AP2A2: variants seen among roughly 807,000 people sequenced by gnomAD.
AP2A2 encodes adaptor related protein complex 2 subunit alpha 2, also known as AP-2 complex subunit alpha-2.
AP2A2 carries 32 observed loss-of-function variants against 104.2 expected under a neutral mutation model. That is an observed-to-expected ratio of 0.31 (90% CI 0.23 to 0.41). The LOEUF (loss-of-function observed/expected upper bound fraction) is 0.41. Among genes scored for constraint, AP2A2 ranks in the 10% least tolerant of loss-of-function variants. AP2A2 has a pLI of 1.00. For missense variants in AP2A2, 912 were observed against 1,261.0 expected, an observed-to-expected ratio of 0.72 and a Z score of 4.19; for synonymous variants, 539 against 533.3, an observed-to-expected ratio of 1.01 and a Z score of -0.15.
At chr11:927,046 C>T (rs576365610) in intron 1 of AP2A2, among the ~76,000 whole-genome samples, 1 of 152,272 alleles carries the variant, frequency 6.6e-6, no homozygotes, top group East Asian at 1.9e-4. Flanking sequence ...TGTTATCCAG[C>T]AAATAGTTGA....
chr11:993,443 G>C lies in AP2A2; in HGVS notation c.1550+62G>C, dbSNP rs574552221. ...CCGGCGGGCCTCTCGGTGGTCGGTG[G>C]CAAGAGGCGAGGCACCAGCTGGCCC... On this transcript the variant is annotated intron_variant, in intron 12 of 21. Transcript: ENST00000448903. The surrounding 1 kb of genome is among the most constrained non-coding windows in gnomAD (Gnocchi z 8.2). The C allele has an allele frequency of 0.019, 23,467 of 1,264,936 alleles. 251 individuals are homozygous for C. Among genetic ancestry groups the C allele is most frequent in the Non-Finnish European group, 0.022 (20,906 of 958,308 alleles). The allele number at this position is 1,264,936 out of a possible 1,614,324, so 78.4% of individuals were successfully genotyped here.
intron 1 of AP2A2, among the ~76,000 whole-genome samples, chr11:941,332 C>G: frequency 6.6e-6 from 1 of 152,150 alleles, no homozygotes. Flanking sequence ...CTCTATTGTC[C>G]TTGATGACTG....
intron 1 of AP2A2, among the ~76,000 whole-genome samples, chr11:930,546 A>C (rs1853256699): frequency 6.6e-6 from 1 of 150,570 alleles, no homozygotes; most frequent in African/African-American, 2.4e-5. Flanking sequence ...TTTGAGACGG[A>C]GTTGCGCTCT....
chr11:988,381 G>A (rs1564811630), intron 9 of AP2A2, among the ~76,000 whole-genome samples, 171 bp from the exon 10 acceptor site: 2 of 152,228 alleles, frequency 1.3e-5, no homozygotes, highest in African/African-American at 2.4e-5. Context: ...ACTCTATTCC[G>A]GGCTGTCCAG....
chr11:965,445 T>G (rs1445466573), intron 2 of AP2A2, among the ~76,000 whole-genome samples: 1 of 152,230 alleles, frequency 6.6e-6, no homozygotes, highest in East Asian at 1.9e-4. Context: ...CCCAAATGGC[T>G]TCCCTGTGAT....
intron 16 of AP2A2, among the ~76,000 whole-genome samples, chr11:1,005,520 CAT>C (rs1491350108): frequency 6.6e-6 from 1 of 152,156 alleles, no homozygotes; most frequent in Non-Finnish European, 1.5e-5. Context: ...AGGAGAAAGA[CAT>C]AAAAAAGCCT....
intron 9 of AP2A2, 140 bp downstream of exon 9, chr11:987,093 C>A: frequency 9.4e-7 from 1 of 1,066,772 alleles, no homozygotes; most frequent in African/African-American, 1.6e-5. Context: ...CCGCCTGTCA[C>A]CTACTCTTGG....
chr11:1,010,886 C>G lies in AP2A2; in HGVS notation c.*261C>G. Reference sequence around the variant, plus strand: ...AATTTTTATAAAAATCGAGACAGTTCTGTGGTTAAATCTACAAATTAAAGG... The same window carrying G: ...AATTTTTATAAAAATCGAGACAGTTGTGTGGTTAAATCTACAAATTAAAGG... On this transcript the variant is annotated 3_prime_UTR_variant, in exon 22 of 22. Transcript: ENST00000448903. 1 of 647,040 alleles carries G rather than the reference C, an allele frequency of 1.5e-6. No homozygotes were observed. Among genetic ancestry groups the G allele is most frequent in the Non-Finnish European group, 2.8e-6 (1 of 360,200 alleles). 40.1% of individuals were successfully genotyped at this position (647,040 alleles called of 1,614,324 possible). A position where few individuals can be genotyped will look rare whatever the true frequency, so the allele number is the denominator to read the frequency against.
chr11:999,917 C>T (rs1427395501), intron 14 of AP2A2, among the ~76,000 whole-genome samples: 1 of 151,650 alleles, frequency 6.6e-6, no homozygotes, highest in African/African-American at 2.4e-5. Context: ...CATTCTCCTG[C>T]CTCAGCCTCC....
chr11:926,267 GCCAGGGTGCGGGGTGGGGGT>G (rs1481358369), intron 1 of AP2A2, among the ~76,000 whole-genome samples, 179 bp downstream of exon 1: 2 of 122,624 alleles, frequency 1.6e-5, no homozygotes, highest in African/African-American at 6.0e-5. Flanking sequence ...GGGGGTGGGG[GCCAGGGTGCGGGGTGGGGGT>G]CCAGGGTCTG....
chr11:956,944 G>C (rs1329377735), intron 1 of AP2A2: 1 of 152,192 alleles, frequency 6.6e-6, no homozygotes, highest in South Asian at 2.1e-4. Flanking sequence ...GCACCAGCGG[G>C]GTGTCCTCCA....
chr11:988,968 C>G (rs976963919), intron 10 of AP2A2: 2 of 471,578 alleles, frequency 4.2e-6, no homozygotes, highest in African/African-American at 3.9e-5. Context: ...GCACTCTAGC[C>G]TGGGCAACAC....
At chr11:979,624 C>T (rs779476388) in intron 5 of AP2A2, among the ~76,000 whole-genome samples, 37 of 152,158 alleles carry the variant, frequency 2.4e-4, no homozygotes, top group Non-Finnish European at 3.4e-4. Context: ...TGCAGTGGCG[C>T]GATCTCAGCT....
In AP2A2 at chr11:993,266, A is replaced by G; in HGVS notation, c.1453-18A>G. On this transcript the variant is annotated intron_variant, in intron 11 of 21. Transcript: ENST00000448903. The surrounding 1 kb of genome is among the most constrained non-coding windows in gnomAD (Gnocchi z 8.2). ...TGGCACCTGGCTGCCACCCCGGCTCATTGTTTGTGCTTCGCAGGCTCTTCA... is the reference window on the plus strand; with the variant it reads ...TGGCACCTGGCTGCCACCCCGGCTCGTTGTTTGTGCTTCGCAGGCTCTTCA... The G allele has an allele frequency of 6.3e-7, 1 of 1,595,510 alleles. No individual in the cohort carries two copies. Among genetic ancestry groups the G allele is most frequent in the Non-Finnish European group, 8.5e-7 (1 of 1,173,034 alleles).
chr11:992,775 G>A lies in AP2A2; in HGVS notation c.1452+90G>A, dbSNP rs1388972606. 2.1e-6 allele frequency: 3 copies of A among 1,453,174 alleles called. No individual in the cohort carries two copies. The highest frequency in any genetic ancestry group is 2.9e-6 in the Non-Finnish European group (3 of 1,051,034). The allele number at this position is 1,453,174 out of a possible 1,614,324, so 90.0% of individuals were successfully genotyped here. On this transcript the variant is annotated intron_variant, in intron 11 of 21. Transcript: ENST00000448903. This position sits in a 1 kb window ranked among gnomAD's most constrained non-coding sequence, Gnocchi z 6.4. Reference sequence around the variant, plus strand: ...GGTTCCAGCCTGCCTGCGTGGAGGTGCCGAGGGCCGTTGCTGACCCCTCTT... The same window carrying A: ...GGTTCCAGCCTGCCTGCGTGGAGGTACCGAGGGCCGTTGCTGACCCCTCTT...
chr11:942,078 C>G (rs1202192294), intron 1 of AP2A2, among the ~76,000 whole-genome samples: 1 of 152,192 alleles, frequency 6.6e-6, no homozygotes, highest in Non-Finnish European at 1.5e-5. Context: ...AGGCGCCCAC[C>G]ACCATGCCCG....
chr11:984,615 G>T (rs769428174), intron 6 of AP2A2, 30 bp from the exon 7 acceptor site: 3 of 1,553,252 alleles, frequency 1.9e-6, no homozygotes, highest in South Asian at 2.2e-5. Flanking sequence ...GTGTCCGGCA[G>T]CGTGTCTCAT....
At chr11:953,553 C>CG (rs1306384381) in intron 1 of AP2A2, among the ~76,000 whole-genome samples, 1 of 151,890 alleles carries the variant, frequency 6.6e-6, no homozygotes, top group African/African-American at 2.4e-5. Flanking sequence ...GAGCCCCCCC[C>CG]CCCCATTGTC....
chr11:932,087 G>A (rs776772018), intron 1 of AP2A2, among the ~76,000 whole-genome samples: 7 of 152,096 alleles, frequency 4.6e-5, no homozygotes, highest in Admixed American at 1.3e-4. Context: ...TCAGTCTCCC[G>A]AGTAGCTGGG....
Sources: allele counts gnomAD v4.1 joint callset (sites outside exome capture counted in the v4.1 genomes callset), GRCh38; gene constraint gnomAD v4.1.1; non-coding constraint Gnocchi (gnomAD v3.1); transcripts MANE v1.5; gene names NCBI Gene and HGNC (gene_info 2026-07-23, HGNC 2026-07-21).